The following SLC25A26 variants were observed in gnomAD, a reference collection of about 807,000 sequenced individuals.
SLC25A26 encodes mitochondrial S-adenosylmethionine carrier protein.
In SLC25A26, 36 loss-of-function variants were observed where a neutral mutation model predicts 37.8. That is an observed-to-expected ratio of 0.95 (90% CI 0.73 to 1.26). SLC25A26 has a LOEUF of 1.26. Among genes scored for constraint, SLC25A26 ranks in the 50% most tolerant of loss-of-function variants. SLC25A26 has a pLI of 0.00. For synonymous variants in SLC25A26, 129 were observed against 122.5 expected, an observed-to-expected ratio of 1.05 and a Z score of -0.35; for missense variants, 390 against 331.1, an observed-to-expected ratio of 1.18 and a Z score of -1.38.
Position 66,350,652 on chromosome 3 carries a change from C to A in SLC25A26, c.498+4244C>A, listed in dbSNP as rs1290723344. On this transcript the variant is annotated intron_variant, in intron 6 of 9. Transcript: ENST00000354883. ...TTCTTGGCATTCAAGTTTCTCAACA[C>A]CCTGTCCTTGACTGGTTTTTTCAGC... 2.0e-5 allele frequency among the ~76,000 whole-genome samples: 3 copies of A among 152,058 alleles called. No individual in the cohort carries two copies. In the East Asian group the frequency reaches 5.8e-4, roughly 30 times the overall value.
At chr3:66,313,975 C>T (rs963228128) in intron 5 of SLC25A26, among the ~76,000 whole-genome samples, 4 of 152,052 alleles carry the variant, frequency 2.6e-5, no homozygotes, top group Admixed American at 1.3e-4. Context: ...GATTTTGTAT[C>T]CTGAGACGTT....
intron 5 of SLC25A26, among the ~76,000 whole-genome samples, chr3:66,344,117 C>T (rs1454138481): frequency 6.6e-6 from 1 of 152,102 alleles, no homozygotes; most frequent in Non-Finnish European, 1.5e-5. Context: ...TTTCTGTGGT[C>T]ACTGTCTGTC....
chr3:66,193,294 AT>A (rs1212522908), intron 1 of SLC25A26, among the ~76,000 whole-genome samples: 1 of 152,150 alleles, frequency 6.6e-6, no homozygotes, highest in Non-Finnish European at 1.5e-5. Flanking sequence ...TAAAATTAGA[AT>A]TTAGGTCTTT....
chr3:66,243,549 G>A (rs1406144692), intron 3 of SLC25A26, among the ~76,000 whole-genome samples: 4 of 152,198 alleles, frequency 2.6e-5, no homozygotes, highest in African/African-American at 7.2e-5. Context: ...AGAGACAGAT[G>A]TAAAACATAA....
intron 7 of SLC25A26, among the ~76,000 whole-genome samples, chr3:66,369,058 AAAAAC>A (rs1559746492): frequency 0.033 from 918 of 27,730 alleles, 92 homozygotes; most frequent in African/African-American, 0.12. Context: ...AACAAAAAAA[AAAAAC>A]AAAAGACAGT....
intron 5 of SLC25A26, among the ~76,000 whole-genome samples, chr3:66,338,514 A>T (rs954653247): frequency 1.1e-4 from 16 of 152,126 alleles, no homozygotes; most frequent in African/African-American, 2.9e-4. Flanking sequence ...CTAAAAAAAA[A>T]TTTTTATATC....
At chr3:66,345,568 C>T (rs892563668) in intron 5 of SLC25A26, among the ~76,000 whole-genome samples, 1 of 150,994 alleles carries the variant, frequency 6.6e-6, no homozygotes, top group African/African-American at 2.4e-5. Context: ...CTTTTCCTCT[C>T]TCCACTTTCT....
intron 1 of SLC25A26, among the ~76,000 whole-genome samples, chr3:66,204,839 T>C (rs1016368399): frequency 2.6e-5 from 4 of 152,194 alleles, no homozygotes; most frequent in Non-Finnish European, 4.4e-5. Context: ...ATGTTTGCCA[T>C]GAATGTTAAA....
At chr3:66,167,507 T>C (rs529389835) in intron 1 of SLC25A26, among the ~76,000 whole-genome samples, 2 of 152,346 alleles carry the variant, frequency 1.3e-5, no homozygotes, top group Non-Finnish European at 2.9e-5. Context: ...TTCCCTTTTA[T>C]GCTTATGCAG....
At chr3:66,156,314 C>A (rs188668433) in intron 1 of SLC25A26, among the ~76,000 whole-genome samples, 1 of 152,296 alleles carries the variant, frequency 6.6e-6, no homozygotes, top group East Asian at 1.9e-4. Context: ...AAGGATCCTG[C>A]CCTCCTGGAG....
At chr3:66,195,265 C>A (rs2071026088) in intron 1 of SLC25A26, among the ~76,000 whole-genome samples, 1 of 149,052 alleles carries the variant, frequency 6.7e-6, no homozygotes, top group African/African-American at 2.6e-5. Flanking sequence ...CCGCTGTAAT[C>A]CCTTTGACCC....
At position 66,234,113 on chromosome 3, in the gene SLC25A26, C is replaced by A. The variant is rs550289555; in HGVS notation, c.34-2431C>A. On this transcript the variant is annotated intron_variant, in intron 1 of 9. Transcript: ENST00000354883. Reference sequence around the variant, plus strand: ...CAAATTATTATTAGAGATGAGTCTCCCTGTGTTGCCCAGGCAGGAGCGTGG... The same window carrying A: ...CAAATTATTATTAGAGATGAGTCTCACTGTGTTGCCCAGGCAGGAGCGTGG... Among the ~76,000 whole-genome samples, 5 of 152,224 alleles carry A rather than the reference C, an allele frequency of 3.3e-5. No homozygotes were observed. In the East Asian group the frequency reaches 9.7e-4, roughly 29 times the overall value.
At chr3:66,330,003 G>A (rs756526720) in intron 5 of SLC25A26, among the ~76,000 whole-genome samples, 2 of 152,128 alleles carry the variant, frequency 1.3e-5, no homozygotes, top group Non-Finnish European at 2.9e-5. Flanking sequence ...CTATGTGCCA[G>A]ATGCTGTTCT....
intron 5 of SLC25A26, among the ~76,000 whole-genome samples, chr3:66,321,501 C>G (rs772296738): frequency 6.6e-6 from 1 of 152,046 alleles, no homozygotes; most frequent in Non-Finnish European, 1.5e-5. Flanking sequence ...GGATTTGTAT[C>G]TCTTTTACTT....
intron 5 of SLC25A26, among the ~76,000 whole-genome samples, chr3:66,268,776 T>C (rs1016255831): frequency 2.6e-5 from 4 of 152,090 alleles, no homozygotes; most frequent in Non-Finnish European, 5.9e-5. Context: ...ATTGCATGGG[T>C]GGTTTCCCTC....
At chr3:66,280,330 TCA>T (rs1275145614) in intron 5 of SLC25A26, among the ~76,000 whole-genome samples, 1 of 152,194 alleles carries the variant, frequency 6.6e-6, no homozygotes, top group Non-Finnish European at 1.5e-5. Context: ...CATTTAATCT[TCA>T]CAGTAATTCT....
At chr3:66,211,913 T>C (rs946518976) in intron 1 of SLC25A26, among the ~76,000 whole-genome samples, 4 of 152,198 alleles carry the variant, frequency 2.6e-5, no homozygotes, top group Non-Finnish European at 5.9e-5. Flanking sequence ...ATCACTACTA[T>C]AGATCTCAAG....
rs117251980 is a variant in SLC25A26 at position 66,268,510 on chromosome 3, T to C, written c.453+5131T>C. On this transcript the variant is annotated intron_variant, in intron 5 of 9. Transcript: ENST00000354883. ...TATCTGAGAACAGTTTTATTTACTT[T>C]CCTGTGAACTGATGATTTGAAACTT... Among the ~76,000 whole-genome samples, 459 of 152,340 alleles carry C rather than the reference T, an allele frequency of 3.0e-3. 3 individuals carry two copies. Among genetic ancestry groups the C allele is most frequent in the East Asian group, 0.017 (86 of 5,188 alleles).
intron 5 of SLC25A26, among the ~76,000 whole-genome samples, chr3:66,297,860 T>G (rs1360398908): frequency 6.6e-6 from 1 of 152,238 alleles, no homozygotes; most frequent in Non-Finnish European, 1.5e-5. Flanking sequence ...GTGCTGTGCC[T>G]TAGATTAGAT....
Sources: gnomAD v4.1 joint callset for allele counts (sites outside exome capture counted in the v4.1 genomes callset) on GRCh38, gnomAD v4.1.1 for gene constraint, MANE v1.5 for transcripts, NCBI Gene and HGNC (gene_info 2026-07-23, HGNC 2026-07-21) for gene names.